The following C8orf89 variants were observed in gnomAD, a reference collection of about 807,000 sequenced individuals.
C8orf89 encodes the protein putative uncharacterized protein C8orf89.
A neutral mutation model predicts 15.8 loss-of-function variants in C8orf89; 14 were observed. That is an observed-to-expected ratio of 0.89 (90% CI 0.59 to 1.39). C8orf89 has a LOEUF of 1.39. C8orf89 is among the 40% of genes most tolerant of loss of function. The pLI, the probability that C8orf89 is intolerant of heterozygous loss-of-function variation, is 0.00. For missense variants in C8orf89, 181 were observed against 184.5 expected (o/e 0.98, Z 0.11); for synonymous variants, 55 against 62.2 (o/e 0.88, Z 0.54).
At chr8:73,277,340 G>A in the C8orf89 span, 1 of 753,508 alleles carries the variant, frequency 1.3e-6, no homozygotes, top group Non-Finnish European at 2.2e-6. Context: ...TTATCCCTGA[G>A]CTGGGCAGTT....
At chr8:73,266,248 G>A in the C8orf89 span, among the ~76,000 whole-genome samples, 1 of 152,204 alleles carries the variant, frequency 6.6e-6, no homozygotes, top group East Asian at 1.9e-4. Flanking sequence ...CTGTGTAGCT[G>A]GCAGGCAGCC....
At chr8:73,283,587 A>G in the C8orf89 span, among the ~76,000 whole-genome samples, 539 of 152,360 alleles carry the variant, frequency 3.5e-3, 4 homozygotes, top group African/African-American at 0.013. Context: ...TTAAAGAATA[A>G]TAAATACAGA....
upstream of C8orf89, among the ~76,000 whole-genome samples, chr8:73,262,816 C>CA (rs33942390): frequency 2.8e-4 from 37 of 134,270 alleles, no homozygotes; most frequent in East Asian, 4.3e-4. Context: ...GATCCTGGCT[C>CA]AAAAAAAAAA....
chr8:73,258,857 C>T (rs1813465443), intron 1 of C8orf89, among the ~76,000 whole-genome samples: 1 of 152,072 alleles, frequency 6.6e-6, no homozygotes, highest in Non-Finnish European at 1.5e-5. Context: ...TCTCTAACTA[C>T]TGGGCTCAAG....
At chr8:73,272,025 T>C in the C8orf89 span, among the ~76,000 whole-genome samples, 1 of 152,230 alleles carries the variant, frequency 6.6e-6, no homozygotes. Context: ...GCTGCAATTA[T>C]TATCATAATC....
chr8:73,277,323 C>T, the C8orf89 span: 7 of 670,116 alleles, frequency 1.0e-5, no homozygotes, highest in Non-Finnish European at 1.6e-5. Context: ...CAGATGAATG[C>T]CCCTGGTTAT....
chr8:73,277,366 T>C, the C8orf89 span: 7 of 1,015,710 alleles, frequency 6.9e-6, no homozygotes, highest in Non-Finnish European at 1.0e-5. Context: ...CGATCATTTT[T>C]TCTCTGAGGC....
the C8orf89 span, among the ~76,000 whole-genome samples, chr8:73,270,631 C>T: frequency 7.0e-4 from 107 of 152,272 alleles, no homozygotes; most frequent in African/African-American, 2.4e-3. Context: ...ATAGTCCAGA[C>T]GTGGTGGCTT....
chr8:73,269,563 C>G, the C8orf89 span, among the ~76,000 whole-genome samples: 8,601 of 152,292 alleles, frequency 0.056, 290 homozygotes, highest in East Asian at 0.16. Context: ...ACCACCAACC[C>G]TTACAGCGAC....
At chr8:73,257,174 GT>G in intron 1 of C8orf89, 48 bp from the exon 2 acceptor site, 7 of 1,208,450 alleles carry the variant, frequency 5.8e-6, no homozygotes, top group Non-Finnish European at 8.0e-6. Context: ...CATACTACTT[GT>G]TTTACTGCAT....
At chr8:73,273,172 C>T in the C8orf89 span, among the ~76,000 whole-genome samples, 1 of 152,132 alleles carries the variant, frequency 6.6e-6, no homozygotes, top group Non-Finnish European at 1.5e-5. Flanking sequence ...CCAGTGGGAG[C>T]GAGGAACAGG....
At chr8:73,241,775 G>C (rs1234645485) in intron 3 of C8orf89, among the ~76,000 whole-genome samples, 170 bp from the exon 4 acceptor site, 3 of 151,820 alleles carry the variant, frequency 2.0e-5, no homozygotes, top group Non-Finnish European at 4.4e-5. Context: ...CATAAAAACA[G>C]ACACACAAAC....
intron 2 of C8orf89, among the ~76,000 whole-genome samples, chr8:73,251,176 T>C (rs1188694153): frequency 3.9e-5 from 6 of 152,166 alleles, no homozygotes; most frequent in African/African-American, 1.4e-4. Flanking sequence ...TTATTATTTA[T>C]ATTACTAGAG....
chr8:73,268,863 G>C, the C8orf89 span, among the ~76,000 whole-genome samples: 2 of 152,202 alleles, frequency 1.3e-5, no homozygotes, highest in Non-Finnish European at 2.9e-5. Flanking sequence ...TTTCTACTTT[G>C]GGATGTTCTG....
chr8:73,281,425 G>A, the C8orf89 span, among the ~76,000 whole-genome samples: 7 of 152,144 alleles, frequency 4.6e-5, no homozygotes, highest in African/African-American at 1.7e-4. Context: ...AGAAAGATGA[G>A]TTATAGATTC....
intron 3 of C8orf89, among the ~76,000 whole-genome samples, chr8:73,242,275 T>C (rs578203836): frequency 6.6e-6 from 1 of 152,184 alleles, no homozygotes; most frequent in East Asian, 1.9e-4. Context: ...CCAGAATATA[T>C]AAGGAGCTTA....
intron 2 of C8orf89, among the ~76,000 whole-genome samples, chr8:73,252,552 T>G (rs1008776070): frequency 6.6e-6 from 1 of 152,198 alleles, no homozygotes; most frequent in Non-Finnish European, 1.5e-5. Context: ...AAGTTCTTAT[T>G]CTTATTTTCA....
chr8:73,280,904 CAAAT>C, the C8orf89 span, among the ~76,000 whole-genome samples: 1 of 151,818 alleles, frequency 6.6e-6, no homozygotes, highest in Non-Finnish European at 1.5e-5. Context: ...CTCTAGTACT[CAAAT>C]AAAAGGCAGA....
chr8:73,272,661 G>A, the C8orf89 span, among the ~76,000 whole-genome samples: 12 of 151,484 alleles, frequency 7.9e-5, no homozygotes, highest in Admixed American at 1.3e-4. Context: ...GTGTCCAAGT[G>A]TTCTCATTGT....
Sources: gnomAD v4.1 joint callset for allele counts (sites outside exome capture counted in the v4.1 genomes callset) on GRCh38, gnomAD v4.1.1 for gene constraint, MANE v1.5 for transcripts, NCBI Gene and HGNC (gene_info 2026-07-23, HGNC 2026-07-21) for gene names.